The following PIWIL4 variants were observed in gnomAD, a reference collection of about 807,000 sequenced individuals.
PIWIL4 encodes piwi-like protein 4.
In PIWIL4, 50 loss-of-function variants were observed where a neutral mutation model predicts 100.9. The observed-to-expected ratio is 0.50, with a 90% CI of 0.39 to 0.63. PIWIL4 has a LOEUF of 0.63. Ranked by LOEUF, PIWIL4 falls within the 20% of genes least tolerant of loss-of-function variation. PIWIL4 has a pLI of 0.00. For synonymous variants in PIWIL4, 342 were observed against 367.5 expected (o/e 0.93, Z 0.79); for missense variants, 887 against 1,043.3 (o/e 0.85, Z 2.06).
Position 94,617,974 on chromosome 11 carries a change from A to G in PIWIL4, c.2035A>G (p.Lys679Glu). The change falls in exon 17 of 20, where the codon AAG (lysine) becomes GAG (glutamate). Residue 679 changes from lysine to glutamate, a missense_variant. By Grantham distance (56) the Lys-to-Glu change is moderately conservative. Transcript: ENST00000299001. ...FMTGALNKWY[K>E]YNHDLPARII... ...TGCAGGAGCACTCAACAAATGGTACAAGTACAATCATGATTTGCCAGCACG... is the reference window on the plus strand; with the variant it reads ...TGCAGGAGCACTCAACAAATGGTACGAGTACAATCATGATTTGCCAGCACG... The G allele has an allele frequency of 1.2e-6, 2 of 1,613,974 alleles. No homozygotes were observed. The highest frequency in any genetic ancestry group is 1.7e-6 in the Non-Finnish European group (2 of 1,179,904).
At chr11:94,591,739 G>A (rs1591789712) in intron 8 of PIWIL4, among the ~76,000 whole-genome samples, 1 of 152,166 alleles carries the variant, frequency 6.6e-6, no homozygotes, top group Non-Finnish European at 1.5e-5. Flanking sequence ...AAAGAAAACT[G>A]TGACAGCTTC....
intron 3 of PIWIL4, among the ~76,000 whole-genome samples, chr11:94,576,649 C>T (rs1024243528): frequency 1.3e-5 from 2 of 152,176 alleles, no homozygotes; most frequent in Admixed American, 1.3e-4. Flanking sequence ...CCCGGAAGCA[C>T]ACATGGCCTC....
intron 8 of PIWIL4, among the ~76,000 whole-genome samples, chr11:94,593,117 T>A (rs1257380): frequency 0.45 from 69,126 of 151,944 alleles, 16,676 homozygotes; most frequent in African/African-American, 0.63. Context: ...TGTATAGATA[T>A]TTTCAAAATG....
At chr11:94,599,565 G>A (rs476209) in intron 11 of PIWIL4, among the ~76,000 whole-genome samples, 3 of 151,994 alleles carry the variant, frequency 2.0e-5, no homozygotes, top group East Asian at 1.9e-4. Flanking sequence ...AGGAATGAAC[G>A]TTGACTCCAG....
At chr11:94,577,084 A>T (rs1253327832) in intron 3 of PIWIL4, among the ~76,000 whole-genome samples, 194 bp from the exon 4 acceptor site, 1 of 152,216 alleles carries the variant, frequency 6.6e-6, no homozygotes, top group African/African-American at 2.4e-5. Context: ...GGCCTGTTTC[A>T]TGCATGATCC....
chr11:94,595,486 G>A, intron 10 of PIWIL4, 60 bp downstream of exon 10: 1 of 1,252,224 alleles, frequency 8.0e-7, no homozygotes, highest in Non-Finnish European at 1.1e-6. Flanking sequence ...GATGGCCTAT[G>A]TAACACTGAT....
At chr11:94,605,026 C>T (rs544657466) in intron 13 of PIWIL4, among the ~76,000 whole-genome samples, 6 of 152,296 alleles carry the variant, frequency 3.9e-5, no homozygotes, top group African/African-American at 1.4e-4. Flanking sequence ...TGACCTTTTA[C>T]CATATTTGCT....
intron 11 of PIWIL4, among the ~76,000 whole-genome samples, chr11:94,600,000 TAGC>T (rs1411749029): frequency 2.0e-5 from 3 of 152,180 alleles, no homozygotes; most frequent in Non-Finnish European, 4.4e-5. Context: ...GCACTTCAAG[TAGC>T]AGGAGATTAG....
intron 16 of PIWIL4, 95 bp from the exon 17 acceptor site, chr11:94,617,859 T>C: frequency 7.2e-7 from 1 of 1,380,568 alleles, no homozygotes; most frequent in East Asian, 2.3e-5. Context: ...TGGTCTGAAA[T>C]AGCAAACCCA....
chr11:94,613,135 T>A (rs1241214147), intron 15 of PIWIL4, among the ~76,000 whole-genome samples: 3 of 152,228 alleles, frequency 2.0e-5, no homozygotes, highest in African/African-American at 7.2e-5. Context: ...TTGTTATTTC[T>A]TATATGGCAG....
intron 3 of PIWIL4, 117 bp downstream of exon 3, chr11:94,575,247 T>G: frequency 9.3e-7 from 1 of 1,072,796 alleles, no homozygotes; most frequent in Non-Finnish European, 1.3e-6. Context: ...ATTTACTGAT[T>G]GTCTTCTATG....
Position 94,587,738 on chromosome 11 carries a change from A to C in PIWIL4, c.914+491A>C, listed in dbSNP as rs796615197. 1.7e-4 allele frequency among the ~76,000 whole-genome samples: 26 copies of C among 152,308 alleles called. 1 individual carries two copies. The highest frequency in any genetic ancestry group is 6.3e-4 in the African/African-American group (26 of 41,578). ...TGTTGTGGCCATCTTATTTCATTTT[A>C]CAGGACAGAAGGTTAGTTCCATGTC... On this transcript the variant is annotated intron_variant, in intron 7 of 19. Transcript: ENST00000299001.
chr11:94,583,044 A>ATATG lies in PIWIL4; in HGVS notation c.514-403_514-402insATGT, dbSNP rs375649763. On this transcript the variant is annotated intron_variant, in intron 4 of 19. Coordinates refer to ENST00000299001, the MANE Select transcript of PIWIL4 (RefSeq NM_152431.3). ...TGTTGTGGTGTGTGTATATATATAT[A>ATATG]TGTGTGTGTGTGTGTGTGTGTGTGT... Among the ~76,000 whole-genome samples, 708 of 133,872 alleles carry ATATG rather than the reference A, an allele frequency of 5.3e-3. 4 individuals are homozygous for ATATG. The highest frequency in any genetic ancestry group is 0.014 in the Admixed American group (184 of 13,578). The allele number at this position is 133,872 out of a possible 152,430, so 87.8% of individuals were successfully genotyped here. A position where few individuals can be genotyped will look rare whatever the true frequency, so the allele number is the denominator to read the frequency against.
At position 94,602,741 on chromosome 11, in the gene PIWIL4, CAT is replaced by C. The variant is rs536691981; in HGVS notation, c.1565+764_1565+765del. ...TTATAATGGAGTTATTCTTTAAACACATAGTTACTAATTAATTGCATCAGCAG... is the reference window on the plus strand; with the variant it reads ...TTATAATGGAGTTATTCTTTAAACACAGTTACTAATTAATTGCATCAGCAG... On this transcript the variant is annotated intron_variant, in intron 12 of 19. Coordinates refer to ENST00000299001, the MANE Select transcript of PIWIL4 (RefSeq NM_152431.3). Among the ~76,000 whole-genome samples the C allele has an allele frequency of 1.3e-3, 198 of 152,288 alleles. 2 individuals carry two copies. The highest frequency in any genetic ancestry group is 4.5e-3 in the African/African-American group (189 of 41,558).
chr11:94,610,955 A>G (rs1948781899), intron 15 of PIWIL4, among the ~76,000 whole-genome samples: 1 of 152,178 alleles, frequency 6.6e-6, no homozygotes, highest in Admixed American at 6.5e-5. Context: ...ATATTTGTAT[A>G]TGGTATAAGG....
intron 10 of PIWIL4, among the ~76,000 whole-genome samples, chr11:94,596,554 T>C (rs1948561554): frequency 6.6e-6 from 1 of 152,226 alleles, no homozygotes; most frequent in South Asian, 2.1e-4. Flanking sequence ...TTCCATATGA[T>C]AAACATGATC....
chr11:94,572,218 T>C (rs545772064), intron 2 of PIWIL4, among the ~76,000 whole-genome samples: 2 of 152,318 alleles, frequency 1.3e-5, no homozygotes, highest in South Asian at 4.1e-4. Flanking sequence ...ATTGCAAAAA[T>C]TTTCTCCCAT....
At chr11:94,614,406 CAA>C (rs1475496076) in intron 15 of PIWIL4, among the ~76,000 whole-genome samples, 2 of 148,702 alleles carry the variant, frequency 1.3e-5, no homozygotes, top group Admixed American at 6.8e-5. Flanking sequence ...CTCCCAGGTT[CAA>C]CTGATTCTCC....
At chr11:94,576,063 C>G (rs188234306) in intron 3 of PIWIL4, among the ~76,000 whole-genome samples, 23 of 152,336 alleles carry the variant, frequency 1.5e-4, no homozygotes, top group African/African-American at 5.3e-4. Context: ...CCTTGTATTC[C>G]TCACCACCTT....
Sources: gnomAD v4.1 joint callset for allele counts (sites outside exome capture counted in the v4.1 genomes callset) on GRCh38, gnomAD v4.1.1 for gene constraint, MANE v1.5 for transcripts, NCBI Gene and HGNC (gene_info 2026-07-23, HGNC 2026-07-21) for gene names.